NPLOC4: variants seen among roughly 807,000 people sequenced by gnomAD.
NPLOC4 encodes NPL4 homolog, ubiquitin recognition factor.
NPLOC4 carries 18 observed loss-of-function variants against 80.6 expected under a neutral mutation model. The ratio of observed to expected loss-of-function variants is 0.22; its 90% CI spans 0.15 to 0.33. The LOEUF is 0.33. Among genes scored for constraint, NPLOC4 ranks in the 10% least tolerant of loss-of-function variants. The pLI is 1.00. For synonymous variants in NPLOC4, 313 were observed against 301.5 expected, an observed-to-expected ratio of 1.04 and a Z score of -0.39; for missense variants, 540 against 786.1, an observed-to-expected ratio of 0.69 and a Z score of 3.74.
In NPLOC4 at chr17:81,631,189, AAAAAG is replaced by A. The variant is rs573064839; in HGVS notation, c.16-1389_16-1385del. 2.1e-3 allele frequency among the ~76,000 whole-genome samples: 322 copies of A among 151,896 alleles called. 3 individuals are homozygous for A. The highest frequency in any genetic ancestry group is 7.3e-3 in the African/African-American group (301 of 41,438). On this transcript the variant is annotated intron_variant, in intron 1 of 16. Transcript: ENST00000331134. ...AAAAAAAAGTAAAAATTTAAACTTAAAAAAGAAATTAAAATTAAAAGCAATAAAGG... is the reference window on the plus strand; with the variant it reads ...AAAAAAAAGTAAAAATTTAAACTTAAAAATTAAAATTAAAAGCAATAAAGG...
Position 81,622,273 on chromosome 17 carries a change from T to C in NPLOC4, c.102A>G (p.Ala34=), listed in dbSNP as rs1365120149. The C allele has an allele frequency of 1.2e-6, 2 of 1,612,230 alleles. No homozygotes were observed. Among genetic ancestry groups the C allele is most frequent in the Non-Finnish European group, 1.7e-6 (2 of 1,178,450 alleles). The part of the protein sequence containing the change: ...ETAATFLKKV[A]KEFGFQNNGF... ...CATTATTTTGGAAGCCAAACTCCTTTGCAACCTAAAACAAGGCCCAAAGAA... is the reference window on the plus strand; with the variant it reads ...CATTATTTTGGAAGCCAAACTCCTTCGCAACCTAAAACAAGGCCCAAAGAA... Residue 34 remains alanine, a synonymous_variant, in exon 3 of 17, where the codon GCA becomes GCG. Coordinates refer to ENST00000331134, the MANE Select transcript of NPLOC4 (RefSeq NM_017921.4).
Position 81,588,940 on chromosome 17 carries a change from T to A in NPLOC4, c.1281+4A>T. 6.2e-7 allele frequency: 1 copy of A among 1,610,834 alleles called. No homozygotes were observed. The highest frequency in any genetic ancestry group is 2.2e-5 in the East Asian group (1 of 44,858). ...CAGAGTTCTTTTTCTTACCATACTT[T>A]TACCTTATAAAACACATCAGGCACG... On this transcript the variant is annotated splice_donor_region_variant and intron_variant, in intron 12 of 16. Transcript: ENST00000331134.
chr17:81,613,547 T>C (rs575301871), intron 3 of NPLOC4, 53 bp from the exon 4 acceptor site: 133 of 1,540,898 alleles, frequency 8.6e-5, no homozygotes, highest in Middle Eastern at 2.1e-4. Context: ...CTGAGCTTCA[T>C]GGAAGCCCAA....
At chr17:81,595,369 C>T (rs1306953881) in intron 11 of NPLOC4, among the ~76,000 whole-genome samples, 1 of 145,658 alleles carries the variant, frequency 6.9e-6, no homozygotes, top group African/African-American at 2.5e-5. Context: ...AGGAGGCGGA[C>T]GTTGCAGTGA....
intron 2 of NPLOC4, 137 bp downstream of exon 2, chr17:81,629,588 G>A (rs1458502806): frequency 1.0e-5 from 7 of 669,608 alleles, no homozygotes; most frequent in Non-Finnish European, 1.9e-5. Flanking sequence ...CAACCCAACT[G>A]TGATAGAGAA....
At chr17:81,583,489 T>C (rs1390616461) in intron 12 of NPLOC4, among the ~76,000 whole-genome samples, 1 of 152,230 alleles carries the variant, frequency 6.6e-6, no homozygotes, top group African/African-American at 2.4e-5. Flanking sequence ...ATGTTCCCTT[T>C]CACAAGAAAG....
At chr17:81,594,039 C>T (rs543451436) in intron 11 of NPLOC4, among the ~76,000 whole-genome samples, 42 of 152,020 alleles carry the variant, frequency 2.8e-4, no homozygotes, top group South Asian at 1.7e-3. Context: ...CTTGGAAGGC[C>T]GAGGCGGGCG....
Position 81,600,413 on chromosome 17 carries a change from G to C in NPLOC4, c.849C>G (p.Asn283Lys), listed in dbSNP as rs763734897. 5 of 1,612,284 alleles carry C rather than the reference G, an allele frequency of 3.1e-6. No individual in the cohort carries two copies. Among genetic ancestry groups the C allele is most frequent in the Non-Finnish European group, 3.4e-6 (4 of 1,179,194 alleles). ...TTGGATCCTCAAGAAGCTCCAAGCT[G>C]TTCTGTGTACCAATCTGCAGGGAAT... ...IYEPPQIGTQ[N>K]SLELLEDPKA... The change falls in exon 9 of 17, where the codon AAC becomes AAG. Residue 283 changes from asparagine to lysine, a missense_variant. By Grantham distance (94) the Asn-to-Lys change is moderately conservative (BLOSUM62 0). This residue lies in a region of NPLOC4 where 251 missense variants were observed against 377.5 expected (regional missense o/e 0.66). Transcript: ENST00000331134.
chr17:81,585,657 T>C (rs1293437136), intron 12 of NPLOC4, among the ~76,000 whole-genome samples: 1 of 128,764 alleles, frequency 7.8e-6, no homozygotes, highest in Non-Finnish European at 1.6e-5. Context: ...GAAGACTCCA[T>C]TTCTGGGGGG....
At chr17:81,579,976 C>T (rs1159686425) in intron 12 of NPLOC4, among the ~76,000 whole-genome samples, 1 of 152,136 alleles carries the variant, frequency 6.6e-6, no homozygotes, top group African/African-American at 2.4e-5. Context: ...GCTCCCAACA[C>T]CCCTGAGCTG....
intron 12 of NPLOC4, among the ~76,000 whole-genome samples, chr17:81,583,933 GCTTT>G (rs1297084919): frequency 2.6e-5 from 4 of 152,246 alleles, no homozygotes; most frequent in East Asian, 3.9e-4. Flanking sequence ...TTTTAATTTT[GCTTT>G]CTAAGTTTTA....
At chr17:81,594,771 T>A (rs2034850655) in intron 11 of NPLOC4, among the ~76,000 whole-genome samples, 1 of 148,308 alleles carries the variant, frequency 6.7e-6, no homozygotes, top group Admixed American at 6.9e-5. Flanking sequence ...AGACTCCGTC[T>A]CTAGGGAAAA....
intron 1 of NPLOC4, among the ~76,000 whole-genome samples, chr17:81,630,696 T>C (rs1045625480): frequency 6.6e-6 from 1 of 151,362 alleles, no homozygotes; most frequent in Non-Finnish European, 1.5e-5. Flanking sequence ...GTGGGCAACA[T>C]GGGGAAACCC....
intron 8 of NPLOC4, among the ~76,000 whole-genome samples, chr17:81,601,421 A>C (rs1288408100): frequency 6.6e-6 from 1 of 152,148 alleles, no homozygotes; most frequent in African/African-American, 2.4e-5. Context: ...GCATAAGCAA[A>C]TTTTTGTGTG....
intron 14 of NPLOC4, among the ~76,000 whole-genome samples, chr17:81,568,528 C>A (rs2034074141): frequency 6.6e-6 from 1 of 152,072 alleles, no homozygotes; most frequent in African/African-American, 2.4e-5. Flanking sequence ...CCTGTCTACA[C>A]AGTATGCAGG....
intron 1 of NPLOC4, 39 bp downstream of exon 1, chr17:81,636,877 A>C: frequency 7.1e-7 from 1 of 1,402,982 alleles, no homozygotes; most frequent in Non-Finnish European, 9.3e-7. Flanking sequence ...CTGCTGCCTC[A>C]TCCCGGCGTC....
chr17:81,633,401 T>C (rs2035981732), intron 1 of NPLOC4, among the ~76,000 whole-genome samples: 1 of 152,160 alleles, frequency 6.6e-6, no homozygotes, highest in Admixed American at 6.6e-5. Flanking sequence ...AGCTAAATGG[T>C]TCAGGCTGCA....
At chr17:81,613,030 GCCC>G (rs1197431034) in intron 4 of NPLOC4, 1 of 278,662 alleles carries the variant, frequency 3.6e-6, no homozygotes, top group Non-Finnish European at 6.7e-6. Context: ...TTGGTGTGAG[GCCC>G]CCAACTCCCC....
chr17:81,633,472 G>A (rs924687465), intron 1 of NPLOC4, among the ~76,000 whole-genome samples: 2 of 152,170 alleles, frequency 1.3e-5, no homozygotes, highest in Non-Finnish European at 2.9e-5. Flanking sequence ...GGGAGTCCAG[G>A]TTTCCAAGGC....
Sources: allele counts gnomAD v4.1 joint callset (sites outside exome capture counted in the v4.1 genomes callset), GRCh38; gene constraint gnomAD v4.1.1; regional missense constraint gnomAD v4.1.1; transcripts MANE v1.5; gene names NCBI Gene and HGNC (gene_info 2026-07-23, HGNC 2026-07-21).